MARCKS: variants seen among roughly 807,000 people sequenced by gnomAD.
The protein encoded by MARCKS is myristoylated alanine rich protein kinase C substrate, also known as myristoylated alanine-rich C-kinase substrate.
In MARCKS, 4 loss-of-function variants were observed where a neutral mutation model predicts 6.3. That is an observed-to-expected ratio of 0.63 (90% CI 0.31 to 1.45). The LOEUF is 1.45. Among genes scored for constraint, MARCKS ranks in the 40% most tolerant of loss-of-function variants. The pLI, the probability that MARCKS is intolerant of heterozygous loss-of-function variation, is 0.07. For missense variants in MARCKS, 636 were observed against 485.7 expected (o/e 1.31, Z -2.91); for synonymous variants, 289 against 236.5 (o/e 1.22, Z -2.04).
chr6:113,859,141 A>C (rs1774835422), intron 1 of MARCKS, among the ~76,000 whole-genome samples: 3 of 152,170 alleles, frequency 2.0e-5, no homozygotes, highest in Non-Finnish European at 4.4e-5. Context: ...GGGTGGGCGC[A>C]GGAGCTCGGA....
chr6:113,857,668 C>A lies in MARCKS; in HGVS notation c.-78C>A. The A allele has an allele frequency of 5.4e-6, 5 of 931,808 alleles. No individual in the cohort carries two copies. The highest frequency in any genetic ancestry group is 7.6e-6 in the Non-Finnish European group (5 of 659,318). 57.7% of individuals were successfully genotyped at this position (931,808 alleles called of 1,614,324 possible). A position where few individuals can be genotyped will look rare whatever the true frequency, so the allele number is the denominator to read the frequency against. On this transcript the variant is annotated 5_prime_UTR_variant, in exon 1 of 2. Coordinates refer to ENST00000612661, the MANE Select transcript of MARCKS (RefSeq NM_002356.7). ...TGCCGCCGCCGCTGCTGCTGCTGCTCGCCCCGTCGTTACACCAACCCGAGG... is the reference window on the plus strand; with the variant it reads ...TGCCGCCGCCGCTGCTGCTGCTGCTAGCCCCGTCGTTACACCAACCCGAGG...
rs760406520 is a variant in MARCKS at position 113,860,342 on chromosome 6, G to T, written c.762G>T (p.Glu254Asp). Residue 254 changes from glutamate to aspartate, a missense_variant, in exon 2 of 2, where the codon GAG becomes GAT. Physicochemically the swap from Glu to Asp is conservative, Grantham distance 45. Coordinates refer to ENST00000612661, the MANE Select transcript of MARCKS (RefSeq NM_002356.7). The part of the protein sequence containing the change: ...VAPEKPPASD[E>D]TKAAEEPSKV... ...CAGAGAAGCCGCCCGCCAGCGACGA[G>T]ACCAAGGCCGCCGAGGAGCCCAGCA... 1 of 1,305,558 alleles carries T rather than the reference G, an allele frequency of 7.7e-7. No individual in the cohort carries two copies. Among genetic ancestry groups the T allele is most frequent in the South Asian group, 1.3e-5 (1 of 75,398 alleles). 80.9% of individuals were successfully genotyped at this position (1,305,558 alleles called of 1,614,324 possible).
rs765246683 is a variant in MARCKS, at chr6:113,857,765, A to G, written c.20A>G (p.Lys7Arg). ...GCCAGCATGGGTGCCCAGTTCTCCA[A>G]GACCGCAGCGAAGGGAGAAGCCGCC... is the stretch of plus-strand genomic sequence containing the variant. MGAQFS[K>R]TAAKGEAAAE... Residue 7 changes from lysine (K) to arginine (R), a missense_variant, in exon 1 of 2, where the codon AAG (lysine) becomes AGG (arginine). Lys to Arg is a conservative substitution (Grantham distance 26). Coordinates refer to ENST00000612661, the MANE Select transcript of MARCKS (RefSeq NM_002356.7). The G allele has an allele frequency of 1.1e-5, 18 of 1,608,438 alleles. No homozygotes were observed. Among genetic ancestry groups the G allele is most frequent in the Non-Finnish European group, 1.5e-5 (18 of 1,177,586 alleles).
rs540393844 is a variant in MARCKS at position 113,857,673 on chromosome 6, C to A, written c.-73C>A. 3 of 1,140,528 alleles carry A rather than the reference C, an allele frequency of 2.6e-6. No homozygotes were observed. Among genetic ancestry groups the A allele is most frequent in the Non-Finnish European group, 3.7e-6 (3 of 811,676 alleles). The allele number at this position is 1,140,528 out of a possible 1,614,324, so 70.7% of individuals were successfully genotyped here. ...CCGCCGCTGCTGCTGCTGCTCGCCC[C>A]GTCGTTACACCAACCCGAGGCTCTT... On this transcript the variant is annotated 5_prime_UTR_variant, in exon 1 of 2. Transcript: ENST00000612661.
rs567429487 is a variant in MARCKS, at chr6:113,862,537, C to A, written c.*1958C>A. ...GTTTACCTCCTCTGCTCTTTGCCAC[C>A]CGATAACTGGATATCTTTTCCTTCA... is the stretch of plus-strand genomic sequence containing the variant. On this transcript the variant is annotated 3_prime_UTR_variant, in exon 2 of 2. Coordinates refer to ENST00000612661, the MANE Select transcript of MARCKS (RefSeq NM_002356.7). 2 of 151,902 alleles carry A rather than the reference C, an allele frequency of 1.3e-5. No individual in the cohort carries two copies. Among genetic ancestry groups the A allele is most frequent in the African/African-American group, 4.8e-5 (2 of 41,448 alleles). The allele number at this position is 151,902 out of a possible 1,614,324, so 9.4% of individuals were successfully genotyped here.
chr6:113,860,623 G>A lies in MARCKS; in HGVS notation c.*44G>A. On this transcript the variant is annotated 3_prime_UTR_variant, in exon 2 of 2. Transcript: ENST00000612661. ...GATAATCGAAGAACTTTTCTCCCCC[G>A]TTTGTTTGTTGGAGTGGTGCCAGGT... The A allele has an allele frequency of 1.4e-6, 2 of 1,436,182 alleles. No individual in the cohort carries two copies. The highest frequency in any genetic ancestry group is 1.8e-6 in the Non-Finnish European group (2 of 1,082,450). The allele number at this position is 1,436,182 out of a possible 1,614,324, so 89.0% of individuals were successfully genotyped here. A position where few individuals can be genotyped will look rare whatever the true frequency, so the allele number is the denominator to read the frequency against.
chr6:113,858,274 G>A (rs1774819532), intron 1 of MARCKS, among the ~76,000 whole-genome samples: 1 of 151,916 alleles, frequency 6.6e-6, no homozygotes, highest in African/African-American at 2.4e-5. Flanking sequence ...GGCGGGGGGG[G>A]GAGTCGGGAA....
At position 113,860,502 on chromosome 6, in the gene MARCKS, T is replaced by C. The variant is rs1188670141; in HGVS notation, c.922T>C (p.Ser308Pro). ...GGAGCCCGCGGCCGCCGCAGCCTCG[T>C]CAGCCTGCGCAGCCCCCTCACAGGA... ...AEEPAAAAAS[S>P]ACAAPSQEAQ... Residue 308 changes from serine to proline, a missense_variant, in exon 2 of 2, where the codon TCA becomes CCA. Coordinates refer to ENST00000612661, the MANE Select transcript of MARCKS (RefSeq NM_002356.7). 1 of 1,525,218 alleles carries C rather than the reference T, an allele frequency of 6.6e-7. No homozygotes were observed. Among genetic ancestry groups the C allele is most frequent in the Non-Finnish European group, 8.8e-7 (1 of 1,137,278 alleles). 94.5% of individuals were successfully genotyped at this position (1,525,218 alleles called of 1,614,324 possible). A position where few individuals can be genotyped will look rare whatever the true frequency, so the allele number is the denominator to read the frequency against.
At chr6:113,858,426 C>G (rs1039677839) in intron 1 of MARCKS, among the ~76,000 whole-genome samples, 2 of 152,202 alleles carry the variant, frequency 1.3e-5, no homozygotes, top group Non-Finnish European at 2.9e-5. Context: ...TTTGATGAGG[C>G]TTTCCCACTG....
intron 1 of MARCKS, among the ~76,000 whole-genome samples, chr6:113,859,201 T>A (rs1208563175): frequency 6.6e-6 from 1 of 152,172 alleles, no homozygotes; most frequent in African/African-American, 2.4e-5. Flanking sequence ...CCCCTGGGAA[T>A]TCCTGGTATT....
chr6:113,860,421 G>GC lies in MARCKS; in HGVS notation c.846dup (p.Ser283LeufsTer59). 8.7e-7 allele frequency: 1 copy of GC among 1,145,938 alleles called. No homozygotes were observed. Among genetic ancestry groups the GC allele is most frequent in the Non-Finnish European group, 1.1e-6 (1 of 923,570 alleles). 71.0% of individuals were successfully genotyped at this position (1,145,938 alleles called of 1,614,324 possible). Reference sequence around the variant, plus strand: ...CGGGGCCAGCGCCGCCGCCTGCGAGGCCCCCTCCGCCGCCGGGCCCGGCGC... The same window carrying GC: ...CGGGGCCAGCGCCGCCGCCTGCGAGGCCCCCCTCCGCCGCCGGGCCCGGCGC... On this transcript the variant is annotated frameshift_variant, in exon 2 of 2. Transcript: ENST00000612661. LOFTEE classifies it low-confidence loss of function (END_TRUNC).
In MARCKS at chr6:113,862,432, T is replaced by C. The variant is rs1285093621; in HGVS notation, c.*1853T>C. The C allele has an allele frequency of 6.6e-6, 1 of 151,574 alleles. No individual in the cohort carries two copies. Among genetic ancestry groups the C allele is most frequent in the Non-Finnish European group, 1.5e-5 (1 of 67,800 alleles). 9.4% of individuals were successfully genotyped at this position (151,574 alleles called of 1,614,324 possible). On this transcript the variant is annotated 3_prime_UTR_variant, in exon 2 of 2. Transcript: ENST00000612661. ...TTAAGCATCCTTTTTTTTTTTTTTT[T>C]TTGAAAGTGTGTTAGCATCTTGTTA...
rs1461660112 is a variant in MARCKS at position 113,861,150 on chromosome 6, T to C, written c.*571T>C. On this transcript the variant is annotated 3_prime_UTR_variant, in exon 2 of 2. Transcript: ENST00000612661. ...GTTTACAACACTACAAGTCTTGAGT[T>C]AAGAAGGAAAGAGGAAAAAAGAAAA... 1 of 148,372 alleles carries C rather than the reference T, an allele frequency of 6.7e-6. No individual in the cohort carries two copies. The highest frequency in any genetic ancestry group is 1.5e-5 in the Non-Finnish European group (1 of 67,314). The allele number at this position is 148,372 out of a possible 1,614,324, so 9.2% of individuals were successfully genotyped here.
intron 1 of MARCKS, 47 bp downstream of exon 1, chr6:113,857,894 C>T: frequency 6.8e-7 from 1 of 1,463,224 alleles, no homozygotes; most frequent in Non-Finnish European, 9.3e-7. Flanking sequence ...GTCTTTCTCT[C>T]CTTCCCTCCT....
chr6:113,858,678 G>A (rs1039895635), intron 1 of MARCKS, among the ~76,000 whole-genome samples: 1 of 152,230 alleles, frequency 6.6e-6, no homozygotes, highest in African/African-American at 2.4e-5. Flanking sequence ...CCGAGAGGTC[G>A]GCCATGGGTG....
rs1439746199 is a variant in MARCKS at position 113,859,976 on chromosome 6, G to T, written c.396G>T (p.Ser132=). The change falls in exon 2 of 2, where the codon TCG becomes TCT. Residue 132 remains serine (S), a synonymous_variant. Transcript: ENST00000612661. ...GAGAGGCCGCGTCGGCCGCCTCCTC[G>T]ACTTCTTCGCCCAAGGCCGAGGACG... The part of the protein sequence containing the change: ...AEGEAASAAS[S]TSSPKAEDGA... 9.1e-6 allele frequency: 14 copies of T among 1,540,686 alleles called. No homozygotes were observed. Among genetic ancestry groups the T allele is most frequent in the Non-Finnish European group, 1.2e-5 (14 of 1,151,006 alleles).
rs1329724819 is a variant in MARCKS, at chr6:113,859,981, C to T, written c.401C>T (p.Ser134Phe). The T allele has an allele frequency of 6.5e-7, 1 of 1,547,314 alleles. No homozygotes were observed. Among genetic ancestry groups the T allele is most frequent in the Non-Finnish European group, 8.7e-7 (1 of 1,154,000 alleles). Residue 134 changes from serine (S) to phenylalanine (F), a missense_variant, in exon 2 of 2, where the codon TCT becomes TTT. Transcript: ENST00000612661. ...GCCGCGTCGGCCGCCTCCTCGACTTCTTCGCCCAAGGCCGAGGACGGGGCC... is the reference window on the plus strand; with the variant it reads ...GCCGCGTCGGCCGCCTCCTCGACTTTTTCGCCCAAGGCCGAGGACGGGGCC... ...GEAASAASSTSSPKAEDGATP... is the reference protein window; with the variant it reads ...GEAASAASSTFSPKAEDGATP...
Position 113,863,465 on chromosome 6 carries a change from G to T in MARCKS, c.*2886G>T, listed in dbSNP as rs1774934154. The stretch of plus-strand genomic sequence containing the variant: ...CTTGTAAAATAAAGTTTTACCAGTT[G>T]ATATAATCAAGCCTGCTAAAATAGG... On this transcript the variant is annotated 3_prime_UTR_variant, in exon 2 of 2. Transcript: ENST00000612661. 1 of 151,854 alleles carries T rather than the reference G, an allele frequency of 6.6e-6. No homozygotes were observed. Among genetic ancestry groups the T allele is most frequent in the Non-Finnish European group, 1.5e-5 (1 of 67,960 alleles). The allele number at this position is 151,854 out of a possible 1,614,324, so 9.4% of individuals were successfully genotyped here.
rs1774843760 is a variant in MARCKS, at chr6:113,859,599, G to C, written c.103-84G>C. 4 of 1,226,582 alleles carry C rather than the reference G, an allele frequency of 3.3e-6. No individual in the cohort carries two copies. The South Asian group carries it at 7.7e-5, about 24-fold the overall frequency. 76.0% of individuals were successfully genotyped at this position (1,226,582 alleles called of 1,614,324 possible). A position where few individuals can be genotyped will look rare whatever the true frequency, so the allele number is the denominator to read the frequency against. Reference sequence around the variant, plus strand: ...GGCCACAGGGGCCTTAGGGGGAAGCGGGGCACTCCCGGTCCAGGGCTGGGG... The same window carrying C: ...GGCCACAGGGGCCTTAGGGGGAAGCCGGGCACTCCCGGTCCAGGGCTGGGG... On this transcript the variant is annotated intron_variant, in intron 1 of 1. Transcript: ENST00000612661.
Sources: allele counts gnomAD v4.1 joint callset (sites outside exome capture counted in the v4.1 genomes callset), GRCh38; gene constraint gnomAD v4.1.1; transcripts MANE v1.5; gene names NCBI Gene and HGNC (gene_info 2026-07-23, HGNC 2026-07-21).